The following NEGR1 variants were observed in gnomAD, a reference collection of about 807,000 sequenced individuals.
NEGR1 encodes IgLON family member 4.
NEGR1 carries 10 observed loss-of-function variants against 40.9 expected under a neutral mutation model. That is an observed-to-expected ratio of 0.24 (90% CI 0.15 to 0.42). The LOEUF (loss-of-function observed/expected upper bound fraction) is 0.42, where lower values mean the gene tolerates loss of function less well. NEGR1 is among the 10% of genes least tolerant of loss of function. NEGR1 has a pLI of 1.00. For missense variants in NEGR1, 352 were observed against 438.9 expected, an observed-to-expected ratio of 0.80 and a Z score of 1.77; for synonymous variants, 185 against 166.8, an observed-to-expected ratio of 1.11 and a Z score of -0.84.
chr1:71,816,252 T>C (rs1658202839), intron 2 of NEGR1, among the ~76,000 whole-genome samples: 2 of 152,084 alleles, frequency 1.3e-5, no homozygotes, highest in Non-Finnish European at 1.5e-5. Context: ...ATGTCTTCTT[T>C]TCCCTCAAAC....
At chr1:71,574,586 A>G (rs1648903757) in intron 6 of NEGR1, among the ~76,000 whole-genome samples, 1 of 152,126 alleles carries the variant, frequency 6.6e-6, no homozygotes, top group Non-Finnish European at 1.5e-5. Flanking sequence ...AGGAGAGAGA[A>G]ATGAAGTAGG....
intron 6 of NEGR1, among the ~76,000 whole-genome samples, chr1:71,492,923 G>T (rs918008253): frequency 6.6e-6 from 1 of 152,070 alleles, no homozygotes; most frequent in Non-Finnish European, 1.5e-5. Context: ...GTTCAAGATA[G>T]AATTCACCAT....
At chr1:72,146,064 G>T (rs1650897621) in intron 1 of NEGR1, among the ~76,000 whole-genome samples, 1 of 152,064 alleles carries the variant, frequency 6.6e-6, no homozygotes, top group Admixed American at 6.6e-5. Context: ...GGGGCAGGGG[G>T]AGTGAGATGT....
intron 2 of NEGR1, among the ~76,000 whole-genome samples, chr1:71,916,524 G>A (rs763058997): frequency 5.3e-5 from 8 of 152,156 alleles, no homozygotes; most frequent in African/African-American, 7.2e-5. Context: ...AGGCCGAAGC[G>A]GGTGGATCAC....
rs113295721 is a variant in NEGR1, at chr1:71,836,575, T to C, written c.410-60278A>G. The stretch of plus-strand genomic sequence containing the variant: ...AACCTGCTGGAACATTATTTCTTCC[T>C]GTGTATATCAAGACAACCTAAGAAA... On this transcript the variant is annotated intron_variant, in intron 2 of 6. Transcript: ENST00000357731. Among the ~76,000 whole-genome samples the C allele has an allele frequency of 3.0e-3, 452 of 151,916 alleles. 3 individuals carry two copies. The highest frequency in any genetic ancestry group is 0.01 in the African/African-American group (434 of 41,500).
At chr1:72,013,303 G>C (rs2100405713) in intron 1 of NEGR1, among the ~76,000 whole-genome samples, 1 of 152,160 alleles carries the variant, frequency 6.6e-6, no homozygotes, top group East Asian at 1.9e-4. Flanking sequence ...ATTTCAGGGA[G>C]GGAAAACAAT....
intron 4 of NEGR1, among the ~76,000 whole-genome samples, chr1:71,611,684 T>G (rs192478827): frequency 6.6e-6 from 1 of 152,326 alleles, no homozygotes; most frequent in East Asian, 1.9e-4. Flanking sequence ...ACTCAAAGCC[T>G]GGGCTCTTGA....
At chr1:72,180,384 A>C (rs1033414749) in intron 1 of NEGR1, among the ~76,000 whole-genome samples, 3 of 151,808 alleles carry the variant, frequency 2.0e-5, no homozygotes, top group African/African-American at 7.2e-5. Context: ...CATGGGAAAA[A>C]CTTCTGGGCA....
intron 1 of NEGR1, among the ~76,000 whole-genome samples, chr1:72,190,462 C>A (rs983793057): frequency 6.6e-6 from 1 of 151,432 alleles, no homozygotes; most frequent in Non-Finnish European, 1.5e-5. Context: ...TAGAACTGAG[C>A]AAACATGGCT....
At chr1:71,750,652 C>T (rs1050708224) in intron 3 of NEGR1, among the ~76,000 whole-genome samples, 5 of 152,070 alleles carry the variant, frequency 3.3e-5, no homozygotes, top group African/African-American at 9.7e-5. Flanking sequence ...GAAAAACCCA[C>T]CCCCATGATT....
chr1:71,887,603 T>C (rs1207991855), intron 2 of NEGR1, among the ~76,000 whole-genome samples: 1 of 152,194 alleles, frequency 6.6e-6, no homozygotes, highest in Non-Finnish European at 1.5e-5. Context: ...TTAGAGTAAT[T>C]AGCATATCCA....
At chr1:71,945,442 GA>G (rs1646009657) in intron 1 of NEGR1, among the ~76,000 whole-genome samples, 1 of 151,876 alleles carries the variant, frequency 6.6e-6, no homozygotes, top group South Asian at 2.1e-4. Context: ...TTAGAAGAAG[GA>G]AAAAAATAAA....
chr1:72,209,791 C>T (rs112762133), intron 1 of NEGR1, among the ~76,000 whole-genome samples: 3 of 151,896 alleles, frequency 2.0e-5, no homozygotes, highest in African/African-American at 7.2e-5. Flanking sequence ...AAACGGACAA[C>T]TATGGTACTA....
chr1:71,571,787 C>CA (rs34844215), intron 6 of NEGR1, among the ~76,000 whole-genome samples: 59,705 of 106,440 alleles, frequency 0.56, 16,145 homozygotes, highest in Middle Eastern at 0.62. Flanking sequence ...GCCCCTGTCT[C>CA]AAAAAAAAAA....
chr1:71,663,269 T>C (rs948198570), intron 4 of NEGR1, among the ~76,000 whole-genome samples: 21 of 152,210 alleles, frequency 1.4e-4, no homozygotes, highest in Admixed American at 8.5e-4. Flanking sequence ...TTTTTAGTTT[T>C]TTTATAGTGG....
intron 1 of NEGR1, among the ~76,000 whole-genome samples, chr1:72,254,788 G>A (rs1427829223): frequency 6.6e-6 from 1 of 150,790 alleles, no homozygotes; most frequent in East Asian, 1.9e-4. Flanking sequence ...TACATGAAAT[G>A]CTTTTCTTTC....
chr1:71,852,768 G>A (rs1316927304), intron 2 of NEGR1, among the ~76,000 whole-genome samples: 1 of 150,062 alleles, frequency 6.7e-6, no homozygotes, highest in African/African-American at 2.5e-5. Flanking sequence ...AAGTAGGTTT[G>A]AAGTTAATGC....
chr1:72,174,183 T>C (rs1652076762), intron 1 of NEGR1, among the ~76,000 whole-genome samples: 1 of 152,132 alleles, frequency 6.6e-6, no homozygotes, highest in Admixed American at 6.6e-5. Flanking sequence ...GTAGACTGTT[T>C]TTTAGAGAAG....
At chr1:71,637,590 G>C (rs1390243404) in intron 4 of NEGR1, among the ~76,000 whole-genome samples, 1 of 151,898 alleles carries the variant, frequency 6.6e-6, no homozygotes, top group Non-Finnish European at 1.5e-5. Flanking sequence ...ATAAAAATTT[G>C]TACATGATAT....
Sources: gnomAD v4.1 joint callset for allele counts (sites outside exome capture counted in the v4.1 genomes callset) on GRCh38, gnomAD v4.1.1 for gene constraint, MANE v1.5 for transcripts, NCBI Gene and HGNC (gene_info 2026-07-23, HGNC 2026-07-21) for gene names.